PIAS1: variants seen among roughly 807,000 people sequenced by gnomAD.
The protein encoded by PIAS1 is protein inhibitor of activated STAT 1.
Under a neutral mutation model 71.3 loss-of-function variants are expected in PIAS1, and 6 were observed. The ratio of observed to expected loss-of-function variants is 0.08; its 90% CI spans 0.05 to 0.17. The LOEUF is 0.17. Among genes scored for constraint, PIAS1 ranks in the 10% least tolerant of loss-of-function variants. The pLI is 1.00. For synonymous variants in PIAS1, 303 were observed against 292.9 expected (o/e 1.03, Z -0.35); for missense variants, 555 against 793.6 (o/e 0.70, Z 3.61).
intron 6 of PIAS1, among the ~76,000 whole-genome samples, chr15:68,150,859 C>A (rs1312057644): frequency 6.6e-6 from 1 of 151,850 alleles, no homozygotes; most frequent in Non-Finnish European, 1.5e-5. Flanking sequence ...TGCAGATATT[C>A]CAAAATCTGG....
Position 68,167,226 on chromosome 15 carries a change from G to A in PIAS1, c.1008+2422G>A, listed in dbSNP as rs990925663. On this transcript the variant is annotated intron_variant, in intron 8 of 13. Transcript: ENST00000249636. This position sits in a 1 kb window ranked among gnomAD's most constrained non-coding sequence, Gnocchi z 4.4. ...GTGTGTGTGTGTGTATGTGTAAAAT[G>A]TATAATTATAATACTTTCATGGGTT... Among the ~76,000 whole-genome samples the A allele has an allele frequency of 6.6e-6, 1 of 151,864 alleles. No homozygotes were observed. The highest frequency in any genetic ancestry group is 2.4e-5 in the African/African-American group (1 of 41,334).
At chr15:68,118,692 A>G (rs2141017465) in intron 2 of PIAS1, among the ~76,000 whole-genome samples, 1 of 152,126 alleles carries the variant, frequency 6.6e-6, no homozygotes, top group Non-Finnish European at 1.5e-5. Context: ...GTGATTTCTC[A>G]CTGTAGTTTT....
In PIAS1 at chr15:68,145,923, GT is replaced by G; in HGVS notation, c.693+23del. 6.8e-7 allele frequency: 1 copy of G among 1,462,570 alleles called. No individual in the cohort carries two copies. Among genetic ancestry groups the G allele is most frequent in the African/African-American group, 1.4e-5 (1 of 72,026 alleles). 90.6% of individuals were successfully genotyped at this position (1,462,570 alleles called of 1,614,324 possible). A position where few individuals can be genotyped will look rare whatever the true frequency, so the allele number is the denominator to read the frequency against. On this transcript the variant is annotated intron_variant, in intron 5 of 13. Transcript: ENST00000249636. ...AGCCTTCCAGTAAGTCCTAAGAGCT[GT>G]TTTTTAAAATTCATTGCCAACATAA... is the stretch of plus-strand genomic sequence containing the variant.
At chr15:68,183,864 GGTGTGA>G (rs2093071083) in intron 13 of PIAS1, among the ~76,000 whole-genome samples, 197 bp downstream of exon 13, 1 of 152,032 alleles carries the variant, frequency 6.6e-6, no homozygotes. Context: ...TGGTGTTGCT[GGTGTGA>G]ACAAACCTAT....
chr15:68,175,395 T>G (rs1200305428), intron 9 of PIAS1, among the ~76,000 whole-genome samples: 1 of 152,238 alleles, frequency 6.6e-6, no homozygotes, highest in Non-Finnish European at 1.5e-5. Context: ...GAATTTTATT[T>G]TTGAAATGAA....
chr15:68,059,745 T>C (rs1469739741), intron 1 of PIAS1, among the ~76,000 whole-genome samples: 1 of 148,174 alleles, frequency 6.7e-6, no homozygotes, highest in Non-Finnish European at 1.5e-5. Context: ...GCAATACAAA[T>C]GTTTATTTTA....
At chr15:68,098,654 T>C (rs192749136) in intron 2 of PIAS1, among the ~76,000 whole-genome samples, 1 of 152,314 alleles carries the variant, frequency 6.6e-6, no homozygotes, top group Non-Finnish European at 1.5e-5. Flanking sequence ...CAGGTGTTGC[T>C]TTCAGTTCTT....
intron 2 of PIAS1, among the ~76,000 whole-genome samples, chr15:68,119,527 G>T (rs1039580445): frequency 6.6e-6 from 1 of 151,996 alleles, no homozygotes; most frequent in African/African-American, 2.4e-5. Context: ...TCTACTGTGG[G>T]ACAGTATACT....
At chr15:68,079,423 T>C (rs576276829) in intron 1 of PIAS1, among the ~76,000 whole-genome samples, 1 of 152,264 alleles carries the variant, frequency 6.6e-6, no homozygotes, top group African/African-American at 2.4e-5. Context: ...TGTTAGAAAT[T>C]TGCACTCTAA....
intron 7 of PIAS1, among the ~76,000 whole-genome samples, chr15:68,162,973 G>A (rs934644422): frequency 2.6e-5 from 4 of 152,228 alleles, no homozygotes; most frequent in Admixed American, 1.3e-4. Flanking sequence ...GATGGTGTCC[G>A]CCAAGATTGA....
intron 2 of PIAS1, among the ~76,000 whole-genome samples, chr15:68,111,904 C>T (rs1024552206): frequency 3.9e-5 from 6 of 152,132 alleles, no homozygotes; most frequent in Admixed American, 3.9e-4. Flanking sequence ...GGCCATCATA[C>T]AGTATTACCC....
intron 2 of PIAS1, among the ~76,000 whole-genome samples, chr15:68,102,836 G>T (rs2092439323): frequency 6.6e-6 from 1 of 152,050 alleles, no homozygotes; most frequent in Non-Finnish European, 1.5e-5. Flanking sequence ...CCATCTGCCT[G>T]CTGCCTTCCA....
chr15:68,055,327 CT>C, intron 1 of PIAS1: 1 of 379,178 alleles, frequency 2.6e-6, no homozygotes, highest in Non-Finnish European at 3.6e-6. Flanking sequence ...CCTCATGCTA[CT>C]CCAACCCCCG....
At chr15:68,133,103 A>G (rs2141034283) in intron 2 of PIAS1, among the ~76,000 whole-genome samples, 1 of 152,004 alleles carries the variant, frequency 6.6e-6, no homozygotes, top group South Asian at 2.1e-4. Flanking sequence ...GATGTATCTT[A>G]GAGAGATCAC....
chr15:68,073,050 C>G (rs2092117406), intron 1 of PIAS1, among the ~76,000 whole-genome samples: 1 of 152,138 alleles, frequency 6.6e-6, no homozygotes, highest in African/African-American at 2.4e-5. Context: ...GAGTCTTGCT[C>G]TGTCGCCCAG....
intron 2 of PIAS1, among the ~76,000 whole-genome samples, chr15:68,110,652 C>T (rs2092516059): frequency 2.0e-5 from 3 of 151,880 alleles, no homozygotes; most frequent in Admixed American, 6.6e-5. Flanking sequence ...GTCCCACCTA[C>T]TCAAGAGGCT....
At chr15:68,088,633 A>G (rs1243231118) in intron 2 of PIAS1, among the ~76,000 whole-genome samples, 1 of 152,136 alleles carries the variant, frequency 6.6e-6, no homozygotes, top group African/African-American at 2.4e-5. Flanking sequence ...CCACAAAGTA[A>G]TTTGTGGAAG....
rs528402540 is a variant in PIAS1 at position 68,070,456 on chromosome 15, C to G, written c.25-15850C>G. 1.0e-3 allele frequency among the ~76,000 whole-genome samples: 158 copies of G among 152,006 alleles called. 1 individual carries two copies. The highest frequency in any genetic ancestry group is 1.7e-3 in the Non-Finnish European group (114 of 67,998). On this transcript the variant is annotated intron_variant, in intron 1 of 13. Coordinates refer to ENST00000249636, the MANE Select transcript of PIAS1 (RefSeq NM_016166.3). ...AAGATGTGGCCTCGGAAGTGGGTAGCTGAGGGTGGAAAGTAATGATGAGGA... is the reference window on the plus strand; with the variant it reads ...AAGATGTGGCCTCGGAAGTGGGTAGGTGAGGGTGGAAAGTAATGATGAGGA...
chr15:68,124,087 C>T (rs1270619064), intron 2 of PIAS1, among the ~76,000 whole-genome samples: 2 of 151,984 alleles, frequency 1.3e-5, no homozygotes, highest in African/African-American at 4.8e-5. Flanking sequence ...ACCTTTATCT[C>T]TCTGTGTCTG....
Sources: allele counts gnomAD v4.1 joint callset (sites outside exome capture counted in the v4.1 genomes callset), GRCh38; gene constraint gnomAD v4.1.1; non-coding constraint Gnocchi (gnomAD v3.1); transcripts MANE v1.5; gene names NCBI Gene and HGNC (gene_info 2026-07-23, HGNC 2026-07-21).